Variants in FNDC3A observed in about 807,000 individuals in gnomAD.
FNDC3A encodes fibronectin type-III domain-containing protein 3A.
Under a neutral mutation model 148.9 loss-of-function variants are expected in FNDC3A, and 32 were observed. That is an observed-to-expected ratio of 0.21 (90% confidence interval 0.16 to 0.29). The LOEUF (loss-of-function observed/expected upper bound fraction) is 0.29. Ranked by LOEUF, FNDC3A falls within the 10% of genes least tolerant of loss-of-function variation. FNDC3A has a pLI of 1.00. For missense variants in FNDC3A, 1,191 were observed against 1,452.8 expected, an observed-to-expected ratio of 0.82 and a Z score of 2.93; for synonymous variants, 472 against 473.6, an observed-to-expected ratio of 1.00 and a Z score of 0.04.
intron 2 of FNDC3A, among the ~76,000 whole-genome samples, chr13:49,059,542 G>A (rs1204582691): frequency 3.9e-5 from 6 of 152,192 alleles, no homozygotes; most frequent in African/African-American, 4.8e-5. Flanking sequence ...TGCAACCTCA[G>A]CCTCCTGGGT....
intron 3 of FNDC3A, among the ~76,000 whole-genome samples, chr13:49,105,078 C>T (rs537679274): frequency 6.6e-6 from 1 of 152,026 alleles, no homozygotes; most frequent in Admixed American, 6.6e-5. Flanking sequence ...AAACTCTTCC[C>T]AATCTATTTT....
At chr13:49,124,623 AT>A in intron 4 of FNDC3A, among the ~76,000 whole-genome samples, 1 of 152,130 alleles carries the variant, frequency 6.6e-6, no homozygotes, top group African/African-American at 2.4e-5. Flanking sequence ...CTTGGTCCTT[AT>A]TTTAGGCAGA....
intron 2 of FNDC3A, among the ~76,000 whole-genome samples, chr13:49,052,568 T>C (rs1875919308): frequency 6.6e-6 from 1 of 152,124 alleles, no homozygotes; most frequent in Non-Finnish European, 1.5e-5. Context: ...ACCTGCTCCG[T>C]TGGAGGTAAC....
chr13:49,144,989 G>A (rs1299346522), intron 7 of FNDC3A, among the ~76,000 whole-genome samples: 2 of 152,054 alleles, frequency 1.3e-5, no homozygotes, highest in South Asian at 2.1e-4. Flanking sequence ...GCTGTGTTAT[G>A]TACCATCATT....
At chr13:49,176,849 G>A (rs1885056522) in intron 13 of FNDC3A, among the ~76,000 whole-genome samples, 1 of 152,110 alleles carries the variant, frequency 6.6e-6, no homozygotes, top group Non-Finnish European at 1.5e-5. Context: ...AGCCCAGGCT[G>A]GAGTGCAGTG....
chr13:49,021,838 A>G (rs1361816716), intron 2 of FNDC3A, among the ~76,000 whole-genome samples: 2 of 152,218 alleles, frequency 1.3e-5, no homozygotes, highest in African/African-American at 4.8e-5. Flanking sequence ...CAGTATGATC[A>G]GAGTAGGGCC....
chr13:49,078,232 A>G (rs552388820), intron 3 of FNDC3A, among the ~76,000 whole-genome samples: 3 of 152,318 alleles, frequency 2.0e-5, no homozygotes, highest in Admixed American at 6.5e-5. Flanking sequence ...TTAATTTGTA[A>G]CTGCAATCTG....
intron 3 of FNDC3A, among the ~76,000 whole-genome samples, chr13:49,089,646 G>A (rs1340788891): frequency 6.6e-6 from 1 of 152,170 alleles, no homozygotes; most frequent in African/African-American, 2.4e-5. Flanking sequence ...CAGAAATGGG[G>A]ACCTCAGTCC....
At chr13:49,167,648 G>C (rs780444647) in intron 9 of FNDC3A, among the ~76,000 whole-genome samples, 2 of 152,050 alleles carry the variant, frequency 1.3e-5, no homozygotes, top group Non-Finnish European at 2.9e-5. Flanking sequence ...TAAGACTGCA[G>C]TGAGCCATGA....
intron 11 of FNDC3A, 57 bp from the exon 12 acceptor site, chr13:49,174,378 G>T (rs1373506914): frequency 7.0e-7 from 1 of 1,438,166 alleles, no homozygotes; most frequent in Non-Finnish European, 9.7e-7. Flanking sequence ...GAATTGATGC[G>T]AATTTATCTT....
chr13:49,079,278 A>T (rs1210938969), intron 3 of FNDC3A, among the ~76,000 whole-genome samples: 1 of 152,188 alleles, frequency 6.6e-6, no homozygotes, highest in Non-Finnish European at 1.5e-5. Flanking sequence ...CTGGACATTC[A>T]AACAAAATCT....
At chr13:49,118,856 CAG>C (rs1375956482) in intron 4 of FNDC3A, among the ~76,000 whole-genome samples, 1 of 152,254 alleles carries the variant, frequency 6.6e-6, no homozygotes, top group African/African-American at 2.4e-5. Flanking sequence ...CAGCCCCAGT[CAG>C]GGGCTTATAG....
At chr13:49,092,629 A>G (rs1460292533) in intron 3 of FNDC3A, among the ~76,000 whole-genome samples, 2 of 152,128 alleles carry the variant, frequency 1.3e-5, no homozygotes, top group South Asian at 2.1e-4. Context: ...CTTTGTTCAC[A>G]TTGTTCCTTC....
At chr13:49,133,714 A>C (rs1882168279) in intron 5 of FNDC3A, among the ~76,000 whole-genome samples, 1 of 152,118 alleles carries the variant, frequency 6.6e-6, no homozygotes, top group Non-Finnish European at 1.5e-5. Flanking sequence ...GTATTATCTC[A>C]CTTAATTTTC....
At chr13:49,159,424 G>A (rs1170505198) in intron 8 of FNDC3A, among the ~76,000 whole-genome samples, 5 of 152,166 alleles carry the variant, frequency 3.3e-5, no homozygotes, top group Non-Finnish European at 5.9e-5. Context: ...CTGTTTGTCT[G>A]TTATTGGTGT....
rs774946743 is a variant in FNDC3A at position 49,174,536 on chromosome 13, G to A, written c.1332G>A (p.Ser444=). The change falls in exon 12 of 26, where the codon TCG becomes TCA. Residue 444 remains serine (S), a synonymous_variant. Coordinates refer to ENST00000492622, the MANE Select transcript of FNDC3A (RefSeq NM_001079673.2). ...SPAMGCKFRL[S]ARNDYGTSGF... ...CAATGGGCTGTAAATTCAGACTATC[G>A]GCCAGAAATGACTATGGTACAAGGT... The A allele has an allele frequency of 2.2e-5, 35 of 1,612,104 alleles. No individual in the cohort carries two copies. Among genetic ancestry groups the A allele is most frequent in the African/African-American group, 1.1e-4 (8 of 74,792 alleles).
chr13:49,203,849 A>G (rs1886527026), intron 25 of FNDC3A, among the ~76,000 whole-genome samples: 1 of 152,180 alleles, frequency 6.6e-6, no homozygotes, highest in African/African-American at 2.4e-5. Flanking sequence ...AGCAAAGGGA[A>G]GAGTTGATAA....
intron 7 of FNDC3A, among the ~76,000 whole-genome samples, chr13:49,144,119 AAC>A (rs1882858486): frequency 6.6e-6 from 1 of 151,924 alleles, no homozygotes; most frequent in Non-Finnish European, 1.5e-5. Context: ...CTCAAAGTTT[AAC>A]ACAACTATTA....
chr13:48,989,380 T>C (rs1010056623), intron 1 of FNDC3A, among the ~76,000 whole-genome samples: 1 of 152,168 alleles, frequency 6.6e-6, no homozygotes, highest in African/African-American at 2.4e-5. Context: ...TCACTTGAAA[T>C]TGGCCTTCAA....
Sources: allele counts gnomAD v4.1 joint callset (sites outside exome capture counted in the v4.1 genomes callset), GRCh38; gene constraint gnomAD v4.1.1; transcripts MANE v1.5; gene names NCBI Gene and HGNC (gene_info 2026-07-23, HGNC 2026-07-21).